The following INTS6L variants were observed in gnomAD, a reference collection of about 807,000 sequenced individuals.
INTS6L encodes integrator complex subunit 6 like.
INTS6L carries 18 observed loss-of-function variants against 64.7 expected under a neutral mutation model. That is an observed-to-expected ratio of 0.28 (90% CI 0.19 to 0.41). The LOEUF is 0.41. Ranked by LOEUF, INTS6L falls within the 10% of genes least tolerant of loss-of-function variation. The pLI is 1.00. For synonymous variants in INTS6L, 227 were observed against 235.9 expected, an observed-to-expected ratio of 0.96 and a Z score of 0.34; for missense variants, 533 against 661.0, an observed-to-expected ratio of 0.81 and a Z score of 2.12.
chrX:135,542,412 C>T (rs943651548), intron 2 of INTS6L, among the ~76,000 whole-genome samples: 6 of 109,763 alleles, frequency 5.5e-5, no homozygotes, highest in Middle Eastern at 4.2e-3. Flanking sequence ...GCACAAGAAT[C>T]GCTTGAACCT....
At chrX:135,563,952 T>C (rs1287783966) in intron 9 of INTS6L, among the ~76,000 whole-genome samples, 5 of 110,753 alleles carry the variant, frequency 4.5e-5, no homozygotes, top group African/African-American at 1.6e-4. Context: ...TAGGTTTATT[T>C]CTCCTTCCAA....
intron 9 of INTS6L, among the ~76,000 whole-genome samples, chrX:135,558,055 T>C (rs189818845): frequency 8.9e-6 from 1 of 111,968 alleles, no homozygotes; most frequent in Admixed American, 9.5e-5. Flanking sequence ...CAAGAGATGC[T>C]CAACATCACT....
intron 2 of INTS6L, among the ~76,000 whole-genome samples, chrX:135,541,207 T>C (rs1398512087): frequency 1.2e-4 from 13 of 111,829 alleles, no homozygotes; most frequent in African/African-American, 4.2e-4. Flanking sequence ...TGTCTGCTGC[T>C]TTAAGGCCAG....
intron 8 of INTS6L, 104 bp from the exon 9 acceptor site, chrX:135,556,064 C>G: frequency 1.2e-6 from 1 of 843,084 alleles, no homozygotes; most frequent in Non-Finnish European, 1.6e-6. Flanking sequence ...TTTAAAATTA[C>G]AATCAAATTG....
intron 12 of INTS6L, 68 bp from the exon 13 acceptor site, chrX:135,573,854 AATAACATTTTAAGAGAG>A: frequency 1.9e-6 from 2 of 1,044,319 alleles, no homozygotes; most frequent in Non-Finnish European, 2.6e-6. Context: ...AACACTCTTC[AATAACATTTTAAGAGAG>A]ATAAGTATGA....
At chrX:135,529,684 G>A (rs1389961790) in intron 2 of INTS6L, among the ~76,000 whole-genome samples, 3 of 111,680 alleles carry the variant, frequency 2.7e-5, no homozygotes, top group Non-Finnish European at 3.8e-5. Context: ...TCTTATAGTC[G>A]AAGGTGTTAT....
chrX:135,575,146 G>C lies in INTS6L; in HGVS notation c.1804G>C (p.Ala602Pro). 2.5e-6 allele frequency: 3 copies of C among 1,211,380 alleles called. No individual in the cohort carries two copies. The highest frequency in any genetic ancestry group is 2.2e-6 in the Non-Finnish European group (2 of 895,256). The change falls in exon 14 of 18, where the codon GCT becomes CCT. Residue 602 changes from alanine (A) to proline (P), a missense_variant. By Grantham distance (27) the Ala-to-Pro change is conservative (BLOSUM62 -1). Coordinates refer to ENST00000639893, the MANE Select transcript of INTS6L (RefSeq NM_001351601.3). ...GNYQEYLKTL[A>P]SPLREIDPDQ... is the part of the protein sequence containing the mutation. ...CTATCAGGAATATCTGAAGACATTG[G>C]CTTCTCCACTGCGAGAGATTGATCC...
chrX:135,521,438 G>A, intron 2 of INTS6L, 120 bp downstream of exon 2: 1 of 710,254 alleles, frequency 1.4e-6, no homozygotes, highest in Non-Finnish European at 2.0e-6. Context: ...GCGGCGAGGG[G>A]GTGCGCAGAG....
At chrX:135,570,691 C>A (rs2087069178) in intron 11 of INTS6L, 145 bp downstream of exon 11, 1 of 668,818 alleles carries the variant, frequency 1.5e-6, no homozygotes, top group African/African-American at 2.2e-5. Flanking sequence ...TTCTCTATGG[C>A]TTCTAGCTTC....
intron 3 of INTS6L, 48 bp from the exon 4 acceptor site, chrX:135,546,332 T>C: frequency 1.3e-6 from 1 of 795,479 alleles, no homozygotes. Flanking sequence ...AATTTAAATA[T>C]ACTTTTATTA....
At chrX:135,524,857 G>A (rs1206994891) in intron 2 of INTS6L, among the ~76,000 whole-genome samples, 2 of 111,916 alleles carry the variant, frequency 1.8e-5, no homozygotes, top group Non-Finnish European at 3.8e-5. Context: ...TTGCAGTCCC[G>A]GTTTGCATGG....
intron 14 of INTS6L, 82 bp downstream of exon 14, chrX:135,575,308 A>G: frequency 9.4e-7 from 1 of 1,066,618 alleles, no homozygotes; most frequent in Admixed American, 3.0e-5. Flanking sequence ...ATAAATACAA[A>G]TCAGAGGTTC....
chrX:135,556,117 G>A (rs2086643068), intron 8 of INTS6L, 51 bp from the exon 9 acceptor site: 1 of 1,099,803 alleles, frequency 9.1e-7, no homozygotes. Flanking sequence ...GGTTTGGTTT[G>A]ACATAAAATC....
At chrX:135,567,237 G>C (rs2086974992) in intron 9 of INTS6L, among the ~76,000 whole-genome samples, 1 of 111,868 alleles carries the variant, frequency 8.9e-6, no homozygotes, top group Non-Finnish European at 1.9e-5. Context: ...AACTGGAAGA[G>C]AAAATACCGG....
In INTS6L at chrX:135,579,826, G is replaced by A. The variant is rs1556533184; in HGVS notation, c.2158G>A (p.Glu720Lys). 1.2e-5 allele frequency: 14 copies of A among 1,196,537 alleles called. No homozygotes were observed. Among genetic ancestry groups the A allele is most frequent in the Non-Finnish European group, 1.4e-5 (12 of 886,801 alleles). ...TCACGATGGCCATGAGGAGAAGATG[G>A]AAAATGGTCAGATCACACCTGATGG... ...IIHDGHEEKM[E>K]NGQITPDGFL... The change falls in exon 16 of 18, where the codon GAA (glutamate) becomes AAA (lysine). Residue 720 changes from glutamate to lysine, a missense_variant. By Grantham distance (56) the Glu-to-Lys change is moderately conservative. Transcript: ENST00000639893.
At chrX:135,573,109 T>C (rs1268984288) in intron 12 of INTS6L, 76 bp downstream of exon 12, 151 of 896,698 alleles carry the variant, frequency 1.7e-4, no homozygotes, top group Non-Finnish European at 2.2e-4. Flanking sequence ...TCCTTTAGTT[T>C]TGAAATAATG....
In INTS6L at chrX:135,574,935, G is replaced by T; in HGVS notation, c.1742-149G>T. 7.4e-6 allele frequency: 4 copies of T among 539,778 alleles called. No individual in the cohort carries two copies. The Middle Eastern group carries it at 1.6e-3, about 217-fold the overall frequency. The allele number at this position is 539,778 out of a possible 1,213,427, so 44.5% of individuals were successfully genotyped here. A position where few individuals can be genotyped will look rare whatever the true frequency, so the allele number is the denominator to read the frequency against. On this transcript the variant is annotated intron_variant, in intron 13 of 17. Coordinates refer to ENST00000639893, the MANE Select transcript of INTS6L (RefSeq NM_001351601.3). ...AGTTATGATTGGGATGAAGAGAGAT[G>T]ATTCTAGATCCTAGAATGCTAGATT...
rs1556515200 is a variant in INTS6L at position 135,546,797 on chromosome X, G to T, written c.525G>T (p.Leu175Phe). ...GGTTATTTGCCCTGGTGTTGCGTTT[G>T]CCTGGAGTGGCTTCTACCGAACCAG... ...DQRLFALVLR[L>F]PGVASTEPEQ... is the part of the protein sequence containing the mutation. The change falls in exon 5 of 18, where the codon TTG (leucine) becomes TTT (phenylalanine). Residue 175 changes from leucine to phenylalanine, a missense_variant. Coordinates refer to ENST00000639893, the MANE Select transcript of INTS6L (RefSeq NM_001351601.3). 8.3e-7 allele frequency: 1 copy of T among 1,211,626 alleles called. No homozygotes were observed. Among genetic ancestry groups the T allele is most frequent in the South Asian group, 1.8e-5 (1 of 56,942 alleles).
intron 2 of INTS6L, among the ~76,000 whole-genome samples, chrX:135,534,644 T>G (rs191722602): frequency 9.1e-6 from 1 of 109,454 alleles, no homozygotes; most frequent in African/African-American, 3.3e-5. Flanking sequence ...GGAAGTAACT[T>G]TTATAAAACT....
Sources: gnomAD v4.1 joint callset for allele counts (sites outside exome capture counted in the v4.1 genomes callset) on GRCh38, gnomAD v4.1.1 for gene constraint, MANE v1.5 for transcripts, NCBI Gene and HGNC (gene_info 2026-07-23, HGNC 2026-07-21) for gene names.